The following NFKB1 variants were observed in gnomAD, a reference collection of about 807,000 sequenced individuals.
The protein encoded by NFKB1 is nuclear factor NF-kappa-B p105 subunit.
Under a neutral mutation model 105.1 loss-of-function variants are expected in NFKB1, and 9 were observed. That is an observed-to-expected ratio of 0.09 (90% CI 0.05 to 0.15). The LOEUF is 0.15. NFKB1 is among the 10% of genes least tolerant of loss of function. The pLI is 1.00. For synonymous variants in NFKB1, 440 were observed against 442.2 expected, an observed-to-expected ratio of 1.00 and a Z score of 0.06; for missense variants, 830 against 1,203.7, an observed-to-expected ratio of 0.69 and a Z score of 4.59.
At chr4:102,587,573 A>G (rs1469919187) in intron 11 of NFKB1, among the ~76,000 whole-genome samples, 2 of 152,114 alleles carry the variant, frequency 1.3e-5, no homozygotes, top group Non-Finnish European at 1.5e-5. Flanking sequence ...AGTAGGAACT[A>G]TCCAATGCAG....
chr4:102,547,655 G>A (rs541423884), intron 5 of NFKB1, among the ~76,000 whole-genome samples: 4 of 152,252 alleles, frequency 2.6e-5, no homozygotes, highest in South Asian at 2.1e-4. Flanking sequence ...AATGACAGTT[G>A]CTTCTATTTT....
At position 102,609,962 on chromosome 4, in the gene NFKB1, GTTTA is replaced by G. The variant is rs979212510; in HGVS notation, c.2228-609_2228-606del. Among the ~76,000 whole-genome samples, 42 of 152,078 alleles carry G rather than the reference GTTTA, an allele frequency of 2.8e-4. 1 individual carries two copies. Among genetic ancestry groups the G allele is most frequent in the Admixed American group, 6.5e-4 (10 of 15,280 alleles). On this transcript the variant is annotated intron_variant, in intron 19 of 23. Coordinates refer to ENST00000226574, the MANE Select transcript of NFKB1 (RefSeq NM_003998.4). ...AGTCTTTGAGTTACTTTGATGTTTTGTTTATTTGTTTGTTGTTTTTGTTTTTGCT... is the reference window on the plus strand; with the variant it reads ...AGTCTTTGAGTTACTTTGATGTTTTGTTTGTTTGTTGTTTTTGTTTTTGCT...
chr4:102,528,695 C>G (rs1311548888), intron 2 of NFKB1, among the ~76,000 whole-genome samples: 2 of 152,122 alleles, frequency 1.3e-5, no homozygotes, highest in African/African-American at 4.8e-5. Context: ...CTCAGAAATA[C>G]AGTTTTAAAG....
chr4:102,607,313 C>G lies in NFKB1; in HGVS notation c.2118C>G (p.Leu706=), dbSNP rs986594537. 6.2e-7 allele frequency: 1 copy of G among 1,611,752 alleles called. No homozygotes were observed. The highest frequency in any genetic ancestry group is 8.5e-7 in the Non-Finnish European group (1 of 1,178,094). The change falls in exon 18 of 24, where the codon CTC becomes CTG. Residue 706 remains leucine (L), a synonymous_variant. Transcript: ENST00000226574. ...ACATCTCATTGGCAGGCTGCCTGCT[C>G]CTGGAGGTGAAGGGCACACTTATTT... is the stretch of plus-strand genomic sequence containing the variant. The part of the protein sequence containing the change: ...HDNISLAGCL[L]LEGDAHVDST...
At chr4:102,554,665 T>C (rs1180362964) in intron 5 of NFKB1, among the ~76,000 whole-genome samples, 1 of 152,208 alleles carries the variant, frequency 6.6e-6, no homozygotes, top group Non-Finnish European at 1.5e-5. Context: ...AATGACAGCA[T>C]GTCTCTAGGA....
At chr4:102,610,831 T>C in intron 20 of NFKB1, 132 bp downstream of exon 20, 2 of 1,167,020 alleles carry the variant, frequency 1.7e-6, no homozygotes, top group Non-Finnish European at 2.3e-6. Flanking sequence ...AGTCTGTTTG[T>C]CAGAGACCAT....
rs2149230142 is a variant in NFKB1, at chr4:102,612,112, T to TG, written c.2419+5dup. On this transcript the variant is annotated splice_region_variant and intron_variant, in intron 21 of 23. Transcript: ENST00000226574. ...CATCTGATGATTTACTAGCACAAGG[T>TG]GGGTTGTGATAAAACCAGATTCTCT... The TG allele has an allele frequency of 6.2e-7, 1 of 1,613,086 alleles. No homozygotes were observed. The highest frequency in any genetic ancestry group is 2.2e-5 in the East Asian group (1 of 44,882).
At chr4:102,543,166 C>T (rs550911885) in intron 5 of NFKB1, among the ~76,000 whole-genome samples, 67 of 152,220 alleles carry the variant, frequency 4.4e-4, no homozygotes, top group Non-Finnish European at 8.5e-4. Flanking sequence ...CCGAAAGCCA[C>T]GCGTGAAGTT....
chr4:102,515,142 G>A (rs1417287033), intron 1 of NFKB1, among the ~76,000 whole-genome samples: 6 of 113,710 alleles, frequency 5.3e-5, no homozygotes, highest in African/African-American at 1.7e-4. Flanking sequence ...ACGGAGTCTC[G>A]CTCTGTCGCC....
intron 5 of NFKB1, among the ~76,000 whole-genome samples, chr4:102,552,172 AC>A: frequency 6.6e-6 from 1 of 152,336 alleles, no homozygotes; most frequent in Middle Eastern, 3.4e-3. Context: ...AGAAATAGAA[AC>A]CAACTTGAGT....
At chr4:102,544,433 T>A (rs1721971621) in intron 5 of NFKB1, among the ~76,000 whole-genome samples, 1 of 152,166 alleles carries the variant, frequency 6.6e-6, no homozygotes, top group East Asian at 1.9e-4. Flanking sequence ...GCTTCACTGC[T>A]TTTTCTTTCT....
chr4:102,540,518 A>G (rs1393210226), intron 5 of NFKB1, among the ~76,000 whole-genome samples: 3 of 152,078 alleles, frequency 2.0e-5, no homozygotes, highest in Admixed American at 1.3e-4. Flanking sequence ...AACTACAGTC[A>G]CATTATTTCA....
In NFKB1 at chr4:102,616,003, A is replaced by G. The variant is rs572808866; in HGVS notation, c.2750-431A>G. 2.0e-5 allele frequency among the ~76,000 whole-genome samples: 3 copies of G among 152,360 alleles called. No homozygotes were observed. In the East Asian group the frequency reaches 5.8e-4, roughly 29 times the overall value. The stretch of plus-strand genomic sequence containing the variant: ...AAGGCAATGTATGCTGTAATAGCAT[A>G]TGAGGCCCAGAGAGAGATCTCATTT... On this transcript the variant is annotated intron_variant, in intron 23 of 23. Coordinates refer to ENST00000226574, the MANE Select transcript of NFKB1 (RefSeq NM_003998.4).
At chr4:102,608,234 A>G (rs1728006992) in intron 19 of NFKB1, among the ~76,000 whole-genome samples, 1 of 152,240 alleles carries the variant, frequency 6.6e-6, no homozygotes, top group Non-Finnish European at 1.5e-5. Flanking sequence ...GGCACTAAAA[A>G]TGGCTAGCAC....
chr4:102,607,081 C>G, intron 17 of NFKB1, 69 bp from the exon 18 acceptor site: 1 of 1,519,982 alleles, frequency 6.6e-7, no homozygotes, highest in Non-Finnish European at 9.1e-7. Context: ...CCATTTCCTT[C>G]AGCTTCACAA....
chr4:102,575,558 C>G (rs1370299257), intron 6 of NFKB1, among the ~76,000 whole-genome samples: 3 of 152,158 alleles, frequency 2.0e-5, no homozygotes, highest in African/African-American at 7.2e-5. Flanking sequence ...CATTGACCTC[C>G]TTGCCTTTGT....
chr4:102,567,794 C>A (rs1723998402), intron 6 of NFKB1, among the ~76,000 whole-genome samples: 1 of 152,098 alleles, frequency 6.6e-6, no homozygotes, highest in East Asian at 1.9e-4. Context: ...AAGAATTAAG[C>A]TTTTAAATAA....
intron 1 of NFKB1, among the ~76,000 whole-genome samples, chr4:102,513,260 A>G (rs1739898954): frequency 6.6e-6 from 1 of 152,252 alleles, no homozygotes; most frequent in Non-Finnish European, 1.5e-5. Context: ...GTAGGCAGCA[A>G]TATCTCAGGA....
At chr4:102,514,680 A>G (rs1480433866) in intron 1 of NFKB1, among the ~76,000 whole-genome samples, 5 of 152,190 alleles carry the variant, frequency 3.3e-5, no homozygotes, top group Non-Finnish European at 5.9e-5. Context: ...CGAGAGAGGA[A>G]TGTTAAAAAT....
Sources: gnomAD v4.1 joint callset for allele counts (sites outside exome capture counted in the v4.1 genomes callset) on GRCh38, gnomAD v4.1.1 for gene constraint, MANE v1.5 for transcripts, NCBI Gene and HGNC (gene_info 2026-07-23, HGNC 2026-07-21) for gene names.